SIDT1: variants seen among roughly 807,000 people sequenced by gnomAD.
SIDT1 encodes the protein SID1 transmembrane family member 1, also known as SID1 transmembrane family, member 1.
In SIDT1, 101 loss-of-function variants were observed where a neutral mutation model predicts 107.5. That is an observed-to-expected ratio of 0.94 (90% CI 0.80 to 1.11). SIDT1 has a LOEUF of 1.11. SIDT1 is among the 50% of genes least tolerant of loss of function. SIDT1 has a pLI of 0.00. For synonymous variants in SIDT1, 395 were observed against 398.2 expected, an observed-to-expected ratio of 0.99 and a Z score of 0.10; for missense variants, 1,076 against 1,058.2, an observed-to-expected ratio of 1.02 and a Z score of -0.23.
rs1300011826 is a variant in SIDT1 at position 113,585,313 on chromosome 3, C to T, written c.1001+43C>T. On this transcript the variant is annotated intron_variant, in intron 9 of 24. Coordinates refer to ENST00000264852, the MANE Select transcript of SIDT1 (RefSeq NM_017699.3). ...AGAAATGTTAATTCCCTGTGCCTGT[C>T]TCTGTGTAACGCTTGCAGCACAGAC... 5.0e-6 allele frequency: 7 copies of T among 1,391,586 alleles called. No individual in the cohort carries two copies. In the African/African-American group the frequency reaches 8.5e-5, roughly 17 times the overall value. 86.2% of individuals were successfully genotyped at this position (1,391,586 alleles called of 1,614,324 possible). A position where few individuals can be genotyped will look rare whatever the true frequency, so the allele number is the denominator to read the frequency against.
At chr3:113,596,002 G>C (rs769397689) in intron 10 of SIDT1, among the ~76,000 whole-genome samples, 1 of 152,196 alleles carries the variant, frequency 6.6e-6, no homozygotes, top group Non-Finnish European at 1.5e-5. Context: ...ATTCAGGGAA[G>C]AAACAAGGAT....
chr3:113,543,277 T>C (rs1939158253), intron 1 of SIDT1, among the ~76,000 whole-genome samples: 1 of 152,126 alleles, frequency 6.6e-6, no homozygotes, highest in Non-Finnish European at 1.5e-5. Flanking sequence ...AGGCCAACAC[T>C]GTTCCAGAAT....
In SIDT1 at chr3:113,628,046, C is replaced by A. The variant is rs1316923411; in HGVS notation, c.*338C>A. 3 of 292,394 alleles carry A rather than the reference C, an allele frequency of 1.0e-5. No individual in the cohort carries two copies. The highest frequency in any genetic ancestry group is 4.9e-5 in the Admixed American group (1 of 20,424). The allele number at this position is 292,394 out of a possible 1,614,324, so 18.1% of individuals were successfully genotyped here. ...TCCCACCCTCACGGAGACTTGCCAG[C>A]AATGGCAGAATGCTGCTGCACACTT... is the stretch of plus-strand genomic sequence containing the variant. On this transcript the variant is annotated 3_prime_UTR_variant, in exon 25 of 25. Coordinates refer to ENST00000264852, the MANE Select transcript of SIDT1 (RefSeq NM_017699.3).
At chr3:113,596,628 G>A (rs935504688) in intron 10 of SIDT1, among the ~76,000 whole-genome samples, 8 of 152,144 alleles carry the variant, frequency 5.3e-5, no homozygotes, top group African/African-American at 1.4e-4. Context: ...GAGAATCTGA[G>A]AGGTACTAAG....
chr3:113,538,844 C>T (rs1417455705), intron 1 of SIDT1, among the ~76,000 whole-genome samples: 1 of 152,108 alleles, frequency 6.6e-6, no homozygotes, highest in Non-Finnish European at 1.5e-5. Flanking sequence ...AAAATATATC[C>T]AATTTATGTT....
At chr3:113,631,062 G>GAAT (rs200556699), downstream of SIDT1, among the ~76,000 whole-genome samples, 1,239 of 150,284 alleles carry the variant, frequency 8.2e-3, 13 homozygotes, top group African/African-American at 0.029. Context: ...CTCTGGCCCT[G>GAAT]AATATCCTTA....
At chr3:113,564,530 T>A (rs2107328531) in intron 1 of SIDT1, among the ~76,000 whole-genome samples, 1 of 152,196 alleles carries the variant, frequency 6.6e-6, no homozygotes, top group African/African-American at 2.4e-5. Context: ...GATGCAGGAC[T>A]GAGCTATGAG....
the SIDT1 span, among the ~76,000 whole-genome samples, chr3:113,634,765 C>G: frequency 6.6e-6 from 1 of 152,154 alleles, no homozygotes; most frequent in Non-Finnish European, 1.5e-5. Flanking sequence ...GATAGCACCA[C>G]TGCACTCCAG....
At position 113,608,174 on chromosome 3, in the gene SIDT1, T is replaced by C. The variant is rs1204069439; in HGVS notation, c.1559T>C (p.Ile520Thr). ...CTGCTGATAGTCTTGCGCCGCGACA[T>C]CCTCCATCGGAGAGCCCTGGAAGCC... ...LFLLIVLRRD[I>T]LHRRALEAKD... The change falls in exon 16 of 25, where the codon ATC becomes ACC. Residue 520 changes from isoleucine (I) to threonine (T), a missense_variant. Coordinates refer to ENST00000264852, the MANE Select transcript of SIDT1 (RefSeq NM_017699.3). 1 of 1,611,150 alleles carries C rather than the reference T, an allele frequency of 6.2e-7. No individual in the cohort carries two copies. Among genetic ancestry groups the C allele is most frequent in the African/African-American group, 1.3e-5 (1 of 74,724 alleles).
chr3:113,564,089 C>T (rs377535253), intron 1 of SIDT1, among the ~76,000 whole-genome samples: 1 of 152,186 alleles, frequency 6.6e-6, no homozygotes, highest in Non-Finnish European at 1.5e-5. Context: ...GCTGTGATTA[C>T]GGGCATGCGC....
intron 1 of SIDT1, among the ~76,000 whole-genome samples, chr3:113,559,769 C>T (rs1941251861): frequency 6.6e-6 from 1 of 152,102 alleles, no homozygotes; most frequent in Non-Finnish European, 1.5e-5. Context: ...ATATCCTTAA[C>T]CCACTTTTTC....
chr3:113,534,409 G>T lies in SIDT1; in HGVS notation c.222+1166G>T, dbSNP rs533240355. On this transcript the variant is annotated intron_variant, in intron 1 of 24. Coordinates refer to ENST00000264852, the MANE Select transcript of SIDT1 (RefSeq NM_017699.3). ...GCCCTGAGTGCCCCATCTCCAGTGT[G>T]GCACCAAATCCTATGGCACTGTTAC... Among the ~76,000 whole-genome samples, 3 of 152,300 alleles carry T rather than the reference G, an allele frequency of 2.0e-5. No homozygotes were observed. In the South Asian group the frequency reaches 6.2e-4, roughly 32 times the overall value.
intron 1 of SIDT1, among the ~76,000 whole-genome samples, chr3:113,556,860 C>CCCAGGCT (rs1940930126): frequency 7.9e-6 from 1 of 126,710 alleles, no homozygotes; most frequent in African/African-American, 2.9e-5. Context: ...GGCTCTGTCA[C>CCCAGGCT]CCAGGCTGGA....
intron 1 of SIDT1, among the ~76,000 whole-genome samples, chr3:113,552,998 G>A (rs1232176026): frequency 1.3e-5 from 2 of 152,072 alleles, no homozygotes; most frequent in Admixed American, 6.6e-5. Context: ...AAACAACTTC[G>A]TGGGCCCAGA....
At chr3:113,634,903 C>T in the SIDT1 span, among the ~76,000 whole-genome samples, 2 of 152,198 alleles carry the variant, frequency 1.3e-5, no homozygotes, top group Non-Finnish European at 2.9e-5. Flanking sequence ...ACACATTGTG[C>T]CTTAGGAAAG....
intron 18 of SIDT1, 79 bp from the exon 19 acceptor site, chr3:113,612,007 A>G: frequency 1.0e-6 from 1 of 999,870 alleles, no homozygotes. Flanking sequence ...GACTCCTTAC[A>G]CATACAGGAG....
intron 1 of SIDT1, among the ~76,000 whole-genome samples, chr3:113,564,978 A>G (rs1941770138): frequency 6.6e-6 from 1 of 152,242 alleles, no homozygotes; most frequent in Non-Finnish European, 1.5e-5. Flanking sequence ...TATGAGAACC[A>G]AATGGCAATA....
At chr3:113,578,712 G>C (rs536965824) in intron 4 of SIDT1, among the ~76,000 whole-genome samples, 1 of 151,912 alleles carries the variant, frequency 6.6e-6, no homozygotes, top group African/African-American at 2.4e-5. Flanking sequence ...AAAATTAGCC[G>C]GGTATGGTAG....
At chr3:113,540,244 G>C (rs139869927) in intron 1 of SIDT1, among the ~76,000 whole-genome samples, 90 of 152,126 alleles carry the variant, frequency 5.9e-4, no homozygotes, top group African/African-American at 2.1e-3. Context: ...GAGGAAACAG[G>C]TGGCACCAAC....
Sources: gnomAD v4.1 joint callset for allele counts (sites outside exome capture counted in the v4.1 genomes callset) on GRCh38, gnomAD v4.1.1 for gene constraint, MANE v1.5 for transcripts, NCBI Gene and HGNC (gene_info 2026-07-23, HGNC 2026-07-21) for gene names.